DENND5B: variants seen among roughly 807,000 people sequenced by gnomAD.
DENND5B encodes the protein DENN domain containing 5B.
A neutral mutation model predicts 140.6 loss-of-function variants in DENND5B; 34 were observed. That is an observed-to-expected ratio of 0.24 (90% CI 0.18 to 0.32). The LOEUF (loss-of-function observed/expected upper bound fraction) is 0.32. Among genes scored for constraint, DENND5B ranks in the 10% least tolerant of loss-of-function variants. DENND5B has a pLI of 1.00. For missense variants in DENND5B, 1,142 were observed against 1,560.2 expected, an observed-to-expected ratio of 0.73 and a Z score of 4.52; for synonymous variants, 551 against 562.1, an observed-to-expected ratio of 0.98 and a Z score of 0.28.
Position 31,558,362 on chromosome 12 carries a change from T to C in DENND5B, c.127+32344A>G, listed in dbSNP as rs532018135. Among the ~76,000 whole-genome samples the C allele has an allele frequency of 2.0e-5, 3 of 151,994 alleles. No homozygotes were observed. The East Asian group carries it at 5.8e-4, about 30-fold the overall frequency. ...ATGACATGAGTTCTCAGTTGTTCCATGAAAGATTATTACAGTGCAACTACA... is the reference window on the plus strand; with the variant it reads ...ATGACATGAGTTCTCAGTTGTTCCACGAAAGATTATTACAGTGCAACTACA... On this transcript the variant is annotated intron_variant, in intron 1 of 20. Coordinates refer to ENST00000389082, the MANE Select transcript of DENND5B (RefSeq NM_144973.4).
rs200683506 is a variant in DENND5B, at chr12:31,468,649, AT to A, written c.905-8269del. Among the ~76,000 whole-genome samples, 621 of 151,104 alleles carry A rather than the reference AT, an allele frequency of 4.1e-3. 6 individuals are homozygous for A. The highest frequency in any genetic ancestry group is 0.013 in the African/African-American group (555 of 41,244). ...CAGTGAGACCCTGTCATTTCAAAAA[AT>A]AAAAAAAAAAATTAGCCAGGCATGG... On this transcript the variant is annotated intron_variant, in intron 3 of 20. Transcript: ENST00000389082.
chr12:31,398,374 G>A lies in DENND5B; in HGVS notation c.3069-12C>T. The A allele has an allele frequency of 1.3e-6, 2 of 1,521,252 alleles. No homozygotes were observed. Among genetic ancestry groups the A allele is most frequent in the Non-Finnish European group, 8.8e-7 (1 of 1,137,124 alleles). The allele number at this position is 1,521,252 out of a possible 1,614,324, so 94.2% of individuals were successfully genotyped here. ...GCCCACATGGGAATCTGGTAGGACA[G>A]AAAACAAGTTTTTTATTTTTTATTT... On this transcript the variant is annotated splice_polypyrimidine_tract_variant and intron_variant, in intron 16 of 20. Coordinates refer to ENST00000389082, the MANE Select transcript of DENND5B (RefSeq NM_144973.4).
intron 7 of DENND5B, among the ~76,000 whole-genome samples, chr12:31,438,783 T>C (rs1188827395): frequency 6.6e-6 from 1 of 152,062 alleles, no homozygotes; most frequent in African/African-American, 2.4e-5. Context: ...CTCAGGGATT[T>C]TAAAAATTAG....
intron 12 of DENND5B, among the ~76,000 whole-genome samples, chr12:31,414,846 C>T (rs966431944): frequency 2.7e-5 from 4 of 149,170 alleles, no homozygotes; most frequent in African/African-American, 9.9e-5. Context: ...TGCTTGAACC[C>T]GGGAGACAGA....
At chr12:31,542,985 T>C (rs1039728245) in intron 1 of DENND5B, among the ~76,000 whole-genome samples, 2 of 152,054 alleles carry the variant, frequency 1.3e-5, no homozygotes, top group Middle Eastern at 3.2e-3. Flanking sequence ...GAAAAAAATG[T>C]TGTAGTGAGA....
chr12:31,577,379 T>C (rs1565713076), intron 1 of DENND5B, among the ~76,000 whole-genome samples: 1 of 152,160 alleles, frequency 6.6e-6, no homozygotes, highest in Non-Finnish European at 1.5e-5. Flanking sequence ...TCTGGGAATC[T>C]ATAAAAATAG....
At chr12:31,504,528 T>C (rs1565646134) in intron 1 of DENND5B, among the ~76,000 whole-genome samples, 1 of 152,138 alleles carries the variant, frequency 6.6e-6, no homozygotes, top group African/African-American at 2.4e-5. Context: ...AAGAGGAATA[T>C]TTGAGATTTA....
chr12:31,572,152 A>G, intron 1 of DENND5B, among the ~76,000 whole-genome samples: 1 of 151,674 alleles, frequency 6.6e-6, no homozygotes, highest in East Asian at 2.0e-4. Context: ...TGAGCCCAGG[A>G]GGTGGAGGTT....
intron 1 of DENND5B, among the ~76,000 whole-genome samples, chr12:31,497,906 TA>T (rs1355242648): frequency 1.0e-4 from 1 of 9,554 alleles, no homozygotes; most frequent in African/African-American, 4.6e-4. Flanking sequence ...AGGGGAGGGG[TA>T]GGGGCAGGGG....
intron 13 of DENND5B, among the ~76,000 whole-genome samples, chr12:31,410,553 A>C (rs908985370): frequency 6.6e-6 from 1 of 152,012 alleles, no homozygotes; most frequent in Non-Finnish European, 1.5e-5. Context: ...CCACAGGTGC[A>C]CGCTACCACA....
chr12:31,383,681 T>A lies in DENND5B; in HGVS notation c.*3922A>T. ...CCTCAGTAGCCTGCTTTTTCCCACG[T>A]AGGACTCCACTTTATACTACTTCAC... On this transcript the variant is annotated 3_prime_UTR_variant, in exon 21 of 21. Transcript: ENST00000389082. 1 of 152,120 alleles carries A rather than the reference T, an allele frequency of 6.6e-6. No individual in the cohort carries two copies. The highest frequency in any genetic ancestry group is 1.9e-4 in the East Asian group (1 of 5,184). The allele number at this position is 152,120 out of a possible 1,614,324, so 9.4% of individuals were successfully genotyped here. A position where few individuals can be genotyped will look rare whatever the true frequency, so the allele number is the denominator to read the frequency against.
At chr12:31,468,823 C>T (rs1945400756) in intron 3 of DENND5B, among the ~76,000 whole-genome samples, 1 of 33,408 alleles carries the variant, frequency 3.0e-5, no homozygotes, top group Non-Finnish European at 5.6e-5. Flanking sequence ...AAAAACCAAA[C>T]AAACAAAAGG....
chr12:31,440,861 AAGT>A (rs1486550985), intron 7 of DENND5B, among the ~76,000 whole-genome samples: 1 of 152,076 alleles, frequency 6.6e-6, no homozygotes, highest in Admixed American at 6.5e-5. Context: ...TCAGCCTCCC[AAGT>A]AGCTGGCATG....
intron 1 of DENND5B, among the ~76,000 whole-genome samples, chr12:31,562,308 A>T (rs1464805598): frequency 1.3e-5 from 2 of 152,186 alleles, no homozygotes; most frequent in Non-Finnish European, 2.9e-5. Flanking sequence ...CTAAAGGATA[A>T]ATTTAAATTA....
At chr12:31,422,701 T>C (rs1301084765) in intron 11 of DENND5B, among the ~76,000 whole-genome samples, 1 of 152,214 alleles carries the variant, frequency 6.6e-6, no homozygotes. Context: ...CTTCCCATAG[T>C]TACTTCTACT....
At chr12:31,439,154 T>G (rs1197589712) in intron 7 of DENND5B, among the ~76,000 whole-genome samples, 1 of 152,232 alleles carries the variant, frequency 6.6e-6, no homozygotes, top group Non-Finnish European at 1.5e-5. Context: ...TCACAATTGC[T>G]GAAATACTAA....
intron 1 of DENND5B, among the ~76,000 whole-genome samples, chr12:31,545,938 A>G: frequency 8.1e-6 from 1 of 124,170 alleles, no homozygotes. Context: ...GTGAGAGAGT[A>G]AGACACTGTC....
intron 1 of DENND5B, among the ~76,000 whole-genome samples, chr12:31,565,866 G>A (rs914710550): frequency 6.6e-6 from 1 of 152,166 alleles, no homozygotes; most frequent in South Asian, 2.1e-4. Flanking sequence ...TAGTGGCCTG[G>A]CACAGAGGTT....
intron 5 of DENND5B, among the ~76,000 whole-genome samples, chr12:31,448,925 C>T (rs1412402885): frequency 1.3e-5 from 2 of 152,204 alleles, no homozygotes; most frequent in Non-Finnish European, 2.9e-5. Context: ...GTACAATAAG[C>T]TGTACACCTT....
Sources: allele counts gnomAD v4.1 joint callset (sites outside exome capture counted in the v4.1 genomes callset), GRCh38; gene constraint gnomAD v4.1.1; transcripts MANE v1.5; gene names NCBI Gene and HGNC (gene_info 2026-07-23, HGNC 2026-07-21).